Variants in RBFOX1 observed in about 807,000 individuals in gnomAD.
RBFOX1 encodes the protein RNA binding protein fox-1 homolog 1.
In RBFOX1, 8 loss-of-function variants were observed where a neutral mutation model predicts 57.7. That is an observed-to-expected ratio of 0.14 (90% confidence interval 0.08 to 0.25). The LOEUF (loss-of-function observed/expected upper bound fraction) is 0.25, where lower values mean the gene tolerates loss of function less well. Among genes scored for constraint, RBFOX1 ranks in the 10% least tolerant of loss-of-function variants. The pLI, the probability that RBFOX1 is intolerant of heterozygous loss-of-function variation, is 1.00. For synonymous variants in RBFOX1, 326 were observed against 222.4 expected (o/e 1.47, Z -4.15); for missense variants, 611 against 548.5 (o/e 1.11, Z -1.14).
intron 4 of RBFOX1, among the ~76,000 whole-genome samples, chr16:7,474,503 G>C (rs2062218852): frequency 6.6e-6 from 1 of 152,200 alleles, no homozygotes; most frequent in Non-Finnish European, 1.5e-5. Flanking sequence ...CCAGTGACCT[G>C]GTGAACAGCC....
intron 1 of RBFOX1, among the ~76,000 whole-genome samples, chr16:5,377,886 C>T (rs550271793): frequency 4.6e-5 from 7 of 151,830 alleles, no homozygotes; most frequent in Non-Finnish European, 1.0e-4. Context: ...CATGTGCTTT[C>T]TCTTGAGAAC....
chr16:6,565,580 G>A lies in RBFOX1; in HGVS notation c.-63-89023G>A, dbSNP rs544803082. 3.4e-5 allele frequency among the ~76,000 whole-genome samples: 5 copies of A among 148,466 alleles called. No individual in the cohort carries two copies. The South Asian group carries it at 1.1e-3, about 32-fold the overall frequency. On this transcript the variant is annotated intron_variant, in intron 2 of 15. Coordinates refer to ENST00000550418, the MANE Select transcript of RBFOX1 (RefSeq NM_018723.4). The stretch of plus-strand genomic sequence containing the variant: ...CTCCCAGATTCAAGCCGATTCTCCT[G>A]CCTCAGCCTCCCAAGTAGCTGGAAC...
At chr16:6,944,545 A>G (rs965676317) in intron 3 of RBFOX1, among the ~76,000 whole-genome samples, 2 of 152,106 alleles carry the variant, frequency 1.3e-5, no homozygotes, top group Non-Finnish European at 2.9e-5. Context: ...GATCTGGTAT[A>G]TTTTGTAGAC....
At chr16:5,597,716 G>A (rs753535473) in intron 2 of RBFOX1, among the ~76,000 whole-genome samples, 1 of 152,140 alleles carries the variant, frequency 6.6e-6, no homozygotes, top group Non-Finnish European at 1.5e-5. Context: ...TTTTGAGGCA[G>A]GAGCAGTTCC....
intron 9 of RBFOX1, among the ~76,000 whole-genome samples, chr16:7,606,311 T>C (rs1020375442): frequency 2.6e-5 from 4 of 151,772 alleles, no homozygotes; most frequent in African/African-American, 9.7e-5. Flanking sequence ...TTAGTAGAGA[T>C]GGGGTTTCAC....
chr16:6,802,124 C>T (rs1232045271), intron 3 of RBFOX1, among the ~76,000 whole-genome samples: 1 of 151,962 alleles, frequency 6.6e-6, no homozygotes, highest in Non-Finnish European at 1.5e-5. Context: ...CCTTCAGTAT[C>T]TTGTCAGGAT....
At chr16:6,600,015 A>G (rs1489230820) in intron 2 of RBFOX1, among the ~76,000 whole-genome samples, 1 of 152,206 alleles carries the variant, frequency 6.6e-6, no homozygotes, top group African/African-American at 2.4e-5. Context: ...CCCAAAGCCC[A>G]GATAACTGCA....
intron 3 of RBFOX1, among the ~76,000 whole-genome samples, chr16:6,928,658 A>G (rs2076030437): frequency 6.6e-6 from 1 of 152,142 alleles, no homozygotes; most frequent in South Asian, 2.1e-4. Context: ...GGATTCTTCA[A>G]AAGTAGCCCT....
In RBFOX1 at chr16:7,054,219, G is replaced by T. The variant is rs1015648093; in HGVS notation, c.27+2121G>T. Among the ~76,000 whole-genome samples the T allele has an allele frequency of 5.6e-5, 6 of 106,820 alleles. 1 individual carries two copies. The highest frequency in any genetic ancestry group is 1.1e-4 in the Non-Finnish European group (6 of 53,400). 70.1% of individuals were successfully genotyped at this position (106,820 alleles called of 152,430 possible). Reference sequence around the variant, plus strand: ...TTAAGGTGATTTTTTTTTTCGGGGGGGGGGGGCGGGGAGCTTTTTTTTTTT... The same window carrying T: ...TTAAGGTGATTTTTTTTTTCGGGGGTGGGGGGCGGGGAGCTTTTTTTTTTT... On this transcript the variant is annotated intron_variant, in intron 4 of 15. Transcript: ENST00000550418.
chr16:7,623,683 G>C (rs1319065226), intron 10 of RBFOX1, among the ~76,000 whole-genome samples: 3 of 152,134 alleles, frequency 2.0e-5, no homozygotes, highest in Non-Finnish European at 4.4e-5. Flanking sequence ...CCAGGGGTTG[G>C]GGAACCCTGG....
chr16:7,268,044 T>G (rs1156635065), intron 4 of RBFOX1, among the ~76,000 whole-genome samples: 1 of 152,202 alleles, frequency 6.6e-6, no homozygotes. Context: ...ACATCTAGGC[T>G]AGGTGATCTA....
chr16:5,351,852 G>A (rs1277328650), intron 1 of RBFOX1, among the ~76,000 whole-genome samples: 1 of 152,152 alleles, frequency 6.6e-6, no homozygotes, highest in Non-Finnish European at 1.5e-5. Context: ...TGCCCAGGCT[G>A]GAGTACAATG....
chr16:6,774,414 A>T (rs1022070275), intron 3 of RBFOX1, among the ~76,000 whole-genome samples: 3 of 152,176 alleles, frequency 2.0e-5, no homozygotes, highest in Admixed American at 6.5e-5. Flanking sequence ...AATTTCTAAA[A>T]CTGGGACTCT....
intron 3 of RBFOX1, among the ~76,000 whole-genome samples, chr16:5,799,719 T>A (rs1262665585): frequency 2.0e-5 from 3 of 152,178 alleles, no homozygotes; most frequent in Non-Finnish European, 4.4e-5. Context: ...TTGAATCCAT[T>A]TTTGACTTAA....
intron 3 of RBFOX1, among the ~76,000 whole-genome samples, chr16:5,647,132 A>T (rs1347071176): frequency 6.6e-6 from 1 of 152,218 alleles, no homozygotes; most frequent in Non-Finnish European, 1.5e-5. Context: ...TTAATGCATC[A>T]GTGGACAAAA....
chr16:7,449,736 G>T (rs540429632), intron 4 of RBFOX1, among the ~76,000 whole-genome samples: 6 of 140,230 alleles, frequency 4.3e-5, no homozygotes, highest in African/African-American at 1.0e-4. Flanking sequence ...GTGTGGGGGG[G>T]GGGGGTTGTT....
intron 3 of RBFOX1, among the ~76,000 whole-genome samples, chr16:6,992,238 A>C (rs2091601829): frequency 1.3e-5 from 2 of 150,370 alleles, no homozygotes; most frequent in South Asian, 4.2e-4. Flanking sequence ...ATCTCGGCTT[A>C]CTGCAGCCTC....
chr16:6,391,274 C>T (rs989166293), intron 2 of RBFOX1, among the ~76,000 whole-genome samples: 2 of 152,094 alleles, frequency 1.3e-5, no homozygotes, highest in African/African-American at 4.8e-5. Flanking sequence ...CTTTGGGAGG[C>T]CCAGGCGGGC....
chr16:5,380,190 C>G (rs1450607956), intron 1 of RBFOX1, among the ~76,000 whole-genome samples: 1 of 152,240 alleles, frequency 6.6e-6, no homozygotes, highest in African/African-American at 2.4e-5. Context: ...GCTCCACTTC[C>G]TGGCTGCTCA....
Sources: allele counts gnomAD v4.1 joint callset (sites outside exome capture counted in the v4.1 genomes callset), GRCh38; gene constraint gnomAD v4.1.1; transcripts MANE v1.5; gene names NCBI Gene and HGNC (gene_info 2026-07-23, HGNC 2026-07-21).